Variants in HS3ST4 observed in about 807,000 individuals in gnomAD.
The protein encoded by HS3ST4 is heparan sulfate-glucosamine 3-sulfotransferase 4.
HS3ST4 carries 17 observed loss-of-function variants against 29.2 expected under a neutral mutation model. The ratio of observed to expected loss-of-function variants is 0.58; its 90% CI spans 0.40 to 0.87. The LOEUF (loss-of-function observed/expected upper bound fraction) is 0.87. Among genes scored for constraint, HS3ST4 ranks in the 40% least tolerant of loss-of-function variants. The pLI, the probability that HS3ST4 is intolerant of heterozygous loss-of-function variation, is 0.00. For synonymous variants in HS3ST4, 314 were observed against 285.7 expected (o/e 1.10, Z -1.00); for missense variants, 627 against 634.5 (o/e 0.99, Z 0.13).
chr16:25,836,181 G>A (rs945598470), intron 1 of HS3ST4, among the ~76,000 whole-genome samples: 5 of 152,140 alleles, frequency 3.3e-5, no homozygotes, highest in African/African-American at 9.7e-5. Flanking sequence ...GGAGTGCTAA[G>A]GAGCCAAAAT....
At chr16:26,121,129 G>A (rs1043082315) in intron 1 of HS3ST4, among the ~76,000 whole-genome samples, 7 of 152,260 alleles carry the variant, frequency 4.6e-5, no homozygotes, top group East Asian at 1.9e-4. Flanking sequence ...GGCTTGAGGC[G>A]GTTAAGGAGG....
intron 1 of HS3ST4, among the ~76,000 whole-genome samples, chr16:26,058,954 G>C (rs1040967887): frequency 6.6e-6 from 1 of 152,162 alleles, no homozygotes; most frequent in Admixed American, 6.5e-5. Flanking sequence ...CAACCTGGGG[G>C]CTGGGAGGAA....
chr16:25,955,036 A>G (rs1404581560), intron 1 of HS3ST4, among the ~76,000 whole-genome samples: 5 of 152,200 alleles, frequency 3.3e-5, no homozygotes, highest in Non-Finnish European at 7.3e-5. Flanking sequence ...GTAAATGTCA[A>G]TGCTAACTGA....
At chr16:26,007,718 G>T (rs1248692284) in intron 1 of HS3ST4, among the ~76,000 whole-genome samples, 1 of 152,126 alleles carries the variant, frequency 6.6e-6, no homozygotes, top group African/African-American at 2.4e-5. Flanking sequence ...AGATGCCGTT[G>T]TCCTTCAGGG....
chr16:26,025,892 C>G (rs1293298423), intron 1 of HS3ST4, among the ~76,000 whole-genome samples: 1 of 152,204 alleles, frequency 6.6e-6, no homozygotes, highest in African/African-American at 2.4e-5. Flanking sequence ...TCTCCTGCCT[C>G]AGCCTCCCAA....
chr16:25,993,793 A>G (rs1969134064), intron 1 of HS3ST4, among the ~76,000 whole-genome samples: 1 of 151,990 alleles, frequency 6.6e-6, no homozygotes, highest in African/African-American at 2.4e-5. Flanking sequence ...ATAACCAAAT[A>G]CTGTAAACTA....
rs1966893421 is a variant in HS3ST4 at position 25,797,516 on chromosome 16, C to A, written c.734+104365C>A. Among the ~76,000 whole-genome samples, 3 of 152,280 alleles carry A rather than the reference C, an allele frequency of 2.0e-5. No individual in the cohort carries two copies. The East Asian group carries it at 5.8e-4, about 29-fold the overall frequency. On this transcript the variant is annotated intron_variant, in intron 1 of 1. Transcript: ENST00000331351. ...GAGGGGCTTAGGACACCAAAGACAG[C>A]TAGCAAGGGCACATGTTAGCTGTTA... is the stretch of plus-strand genomic sequence containing the variant.
At chr16:25,712,943 C>G (rs1966427168) in intron 1 of HS3ST4, among the ~76,000 whole-genome samples, 1 of 152,164 alleles carries the variant, frequency 6.6e-6, no homozygotes, top group African/African-American at 2.4e-5. Flanking sequence ...GCTCTATTCT[C>G]CCTGTGTCTT....
intron 1 of HS3ST4, among the ~76,000 whole-genome samples, chr16:26,073,718 A>G (rs1386836686): frequency 1.3e-5 from 2 of 152,196 alleles, no homozygotes; most frequent in African/African-American, 4.8e-5. Context: ...CACGCACTGT[A>G]GGTATCATTA....
At chr16:25,989,612 G>A (rs910900851) in intron 1 of HS3ST4, among the ~76,000 whole-genome samples, 8 of 152,084 alleles carry the variant, frequency 5.3e-5, no homozygotes, top group South Asian at 2.1e-4. Context: ...CATAAGTTTC[G>A]TATGTTTGCA....
At chr16:25,806,434 G>A (rs748055648) in intron 1 of HS3ST4, among the ~76,000 whole-genome samples, 10 of 152,092 alleles carry the variant, frequency 6.6e-5, no homozygotes, top group Non-Finnish European at 1.0e-4. Context: ...CATTCCCCAT[G>A]CTCTCCCAGA....
At chr16:26,103,431 A>G (rs1027419949) in intron 1 of HS3ST4, among the ~76,000 whole-genome samples, 2 of 152,144 alleles carry the variant, frequency 1.3e-5, no homozygotes, top group African/African-American at 4.8e-5. Context: ...TCTGGAGCTC[A>G]CAAAGTAGCC....
intron 1 of HS3ST4, among the ~76,000 whole-genome samples, chr16:26,104,122 A>C (rs1486139548): frequency 6.6e-6 from 1 of 152,164 alleles, no homozygotes; most frequent in Non-Finnish European, 1.5e-5. Flanking sequence ...GGTTAAGAGA[A>C]GTGGGTTTAG....
At chr16:25,969,385 A>G (rs73521527) in intron 1 of HS3ST4, among the ~76,000 whole-genome samples, 1 of 152,230 alleles carries the variant, frequency 6.6e-6, no homozygotes, top group Non-Finnish European at 1.5e-5. Flanking sequence ...ATTTCAGCTT[A>G]ACTGATTCAA....
intron 1 of HS3ST4, among the ~76,000 whole-genome samples, chr16:25,734,613 G>A (rs1596556106): frequency 6.6e-6 from 1 of 152,182 alleles, no homozygotes. Context: ...GGAATTTACA[G>A]TGTAGTGGAA....
At chr16:25,862,163 A>ATTTATT (rs1967644008) in intron 1 of HS3ST4, among the ~76,000 whole-genome samples, 42 of 144,766 alleles carry the variant, frequency 2.9e-4, no homozygotes, top group South Asian at 6.7e-4. Flanking sequence ...ATTTATTTAC[A>ATTTATT]TATTTATTTA....
intron 1 of HS3ST4, among the ~76,000 whole-genome samples, chr16:26,022,522 C>T (rs145998280): frequency 2.0e-5 from 3 of 152,246 alleles, no homozygotes; most frequent in African/African-American, 7.2e-5. Context: ...CAGGAGGCCA[C>T]CTGCTCTACC....
intron 1 of HS3ST4, among the ~76,000 whole-genome samples, chr16:25,954,379 C>G (rs1242139738): frequency 6.6e-6 from 1 of 152,136 alleles, no homozygotes; most frequent in Non-Finnish European, 1.5e-5. Context: ...CAAACATAAG[C>G]TTTACAACAG....
intron 1 of HS3ST4, among the ~76,000 whole-genome samples, chr16:25,982,751 G>A (rs1288604565): frequency 6.6e-6 from 1 of 152,074 alleles, no homozygotes; most frequent in East Asian, 1.9e-4. Flanking sequence ...GATCACTTGA[G>A]GCCAGGATTT....
Sources: allele counts gnomAD v4.1 joint callset (sites outside exome capture counted in the v4.1 genomes callset), GRCh38; gene constraint gnomAD v4.1.1; transcripts MANE v1.5; gene names NCBI Gene and HGNC (gene_info 2026-07-23, HGNC 2026-07-21).